Variants in MRPS15 observed in about 807,000 individuals in gnomAD.
MRPS15 encodes mitochondrial ribosomal protein S15.
In MRPS15, 25 loss-of-function variants were observed where a neutral mutation model predicts 30.7. That is an observed-to-expected ratio of 0.81 (90% confidence interval 0.59 to 1.14). The LOEUF is 1.14. MRPS15 is among the 50% of genes most tolerant of loss of function. MRPS15 has a pLI of 0.00. For synonymous variants in MRPS15, 124 were observed against 120.1 expected, an observed-to-expected ratio of 1.03 and a Z score of -0.21; for missense variants, 313 against 321.7, an observed-to-expected ratio of 0.97 and a Z score of 0.21.
intron 5 of MRPS15, among the ~76,000 whole-genome samples, chr1:36,460,049 T>C (rs1650064107): frequency 6.6e-6 from 1 of 152,196 alleles, no homozygotes; most frequent in Non-Finnish European, 1.5e-5. Context: ...CTCGCTCTGT[T>C]GCCCAGGCGA....
intron 4 of MRPS15, among the ~76,000 whole-genome samples, 167 bp from the exon 5 acceptor site, chr1:36,460,943 C>T (rs762649540): frequency 6.6e-6 from 1 of 152,220 alleles, no homozygotes; most frequent in African/African-American, 2.4e-5. Context: ...TGGCTATCCA[C>T]ATCCAGGTGA....
intron 5 of MRPS15, chr1:36,459,422 G>GAATC (rs1157292407): frequency 8.3e-6 from 1 of 120,230 alleles, no homozygotes; most frequent in Non-Finnish European, 1.7e-5. Context: ...AAAAAAAAAA[G>GAATC]AATCAAAACT....
At chr1:36,456,075 A>G in intron 7 of MRPS15, 112 bp downstream of exon 7, 1 of 1,483,460 alleles carries the variant, frequency 6.7e-7, no homozygotes, top group Non-Finnish European at 9.0e-7. Flanking sequence ...GATCCATTCC[A>G]GGGCCTGGGG....
At chr1:36,461,186 G>A (rs1650090621) in intron 4 of MRPS15, 78 bp downstream of exon 4, 1 of 1,323,434 alleles carries the variant, frequency 7.6e-7, no homozygotes, top group African/African-American at 1.4e-5. Flanking sequence ...AGCATGAGAT[G>A]CGGGGTGCTA....
In MRPS15 at chr1:36,464,336, C is replaced by G. The variant is rs1650170979; in HGVS notation, c.-61G>C. On this transcript the variant is annotated 5_prime_UTR_variant, in exon 1 of 8. Transcript: ENST00000373116. Reference sequence around the variant, plus strand: ...CCGCCGTTCGCTTTGCGGCACGGACCGGGTTACATGGGCGCCGCCATGCTG... The same window carrying G: ...CCGCCGTTCGCTTTGCGGCACGGACGGGGTTACATGGGCGCCGCCATGCTG... 2.5e-6 allele frequency: 4 copies of G among 1,575,576 alleles called. No individual in the cohort carries two copies. Among genetic ancestry groups the G allele is most frequent in the Non-Finnish European group, 3.4e-6 (4 of 1,160,316 alleles).
chr1:36,464,079 T>G, intron 1 of MRPS15, 67 bp downstream of exon 1: 1 of 1,588,796 alleles, frequency 6.3e-7, no homozygotes, highest in Non-Finnish European at 8.6e-7. Flanking sequence ...CTCCTGTGCT[T>G]CCTTATTCCC....
chr1:36,463,976 T>C, intron 1 of MRPS15, 126 bp from the exon 2 acceptor site: 2 of 1,502,386 alleles, frequency 1.3e-6, no homozygotes, highest in Non-Finnish European at 1.8e-6. Flanking sequence ...GCTGCCCCAT[T>C]TCTTCCCTAC....
Position 36,456,377 on chromosome 1 carries a change from T to C in MRPS15, c.446A>G (p.Asp149Gly). The change falls in exon 7 of 8, where the codon GAC becomes GGC. Residue 149 changes from aspartate to glycine, a missense_variant and splice_region_variant. Coordinates refer to ENST00000373116, the MANE Select transcript of MRPS15 (RefSeq NM_031280.4). ...TAGCAGATAGCGTTTGTGGGCTTTG[T>C]CCTGCAAGAGATTCTCATTACTTTT... The part of the protein sequence containing the change: ...YEEHLEKHRK[D>G]KAHKRYLLMS... The C allele has an allele frequency of 6.3e-7, 1 of 1,596,584 alleles. No homozygotes were observed. Among genetic ancestry groups the C allele is most frequent in the Non-Finnish European group, 8.6e-7 (1 of 1,168,552 alleles).
intron 2 of MRPS15, 101 bp downstream of exon 2, chr1:36,463,705 C>T: frequency 1.4e-6 from 2 of 1,396,520 alleles, no homozygotes; most frequent in Non-Finnish European, 1.9e-6. Context: ...CTCTGGCTCA[C>T]CTCATCTAGT....
chr1:36,463,661 G>A, intron 2 of MRPS15, 145 bp downstream of exon 2: 2 of 919,370 alleles, frequency 2.2e-6, no homozygotes, highest in South Asian at 1.8e-5. Context: ...CTAGGGCTTT[G>A]TGTAAGGTGG....
intron 5 of MRPS15, chr1:36,459,346 T>C (rs1650052516): frequency 7.2e-6 from 1 of 139,314 alleles, no homozygotes; most frequent in African/African-American, 2.8e-5. Context: ...TGAGCCATGA[T>C]CACACCTGCC....
In MRPS15 at chr1:36,456,245, G is replaced by T; in HGVS notation, c.578C>A (p.Pro193His). The change falls in exon 7 of 8, where the codon CCT (proline) becomes CAT (histidine). Residue 193 changes from proline to histidine, a missense_variant. Transcript: ENST00000373116. ...GCGGTGGGCTCTTCGGTAATACAGA[G>T]GGGGGAAGGTGTACTCAATTCCCAG... The part of the protein sequence containing the change: ...WGLGIEYTFP[P>H]LYYRRAHRRF... 4 of 1,612,126 alleles carry T rather than the reference G, an allele frequency of 2.5e-6. No individual in the cohort carries two copies. The highest frequency in any genetic ancestry group is 3.4e-6 in the Non-Finnish European group (4 of 1,178,270).
At chr1:36,460,915 T>A (rs1650084872) in intron 4 of MRPS15, 139 bp from the exon 5 acceptor site, 3 of 707,762 alleles carry the variant, frequency 4.2e-6, no homozygotes, top group Non-Finnish European at 4.8e-6. Flanking sequence ...CTGCTCACTG[T>A]GGCCTTGACC....
At position 36,458,898 on chromosome 1, in the gene MRPS15, C is replaced by T. The variant is rs1650044336; in HGVS notation, c.386-917G>A. Reference sequence around the variant, plus strand: ...GGCTGTCACGACAGCAGGCCCTTCCCAGTACATACTGAGTTCTGGGAGCAC... The same window carrying T: ...GGCTGTCACGACAGCAGGCCCTTCCTAGTACATACTGAGTTCTGGGAGCAC... On this transcript the variant is annotated intron_variant, in intron 5 of 7. Coordinates refer to ENST00000373116, the MANE Select transcript of MRPS15 (RefSeq NM_031280.4). This position sits in a 1 kb window ranked among gnomAD's most constrained non-coding sequence, Gnocchi z 4.5. The T allele has an allele frequency of 6.6e-6, 1 of 152,238 alleles. No homozygotes were observed. The highest frequency in any genetic ancestry group is 1.5e-5 in the Non-Finnish European group (1 of 68,062). 9.4% of individuals were successfully genotyped at this position (152,238 alleles called of 1,614,324 possible). A position where few individuals can be genotyped will look rare whatever the true frequency, so the allele number is the denominator to read the frequency against.
At chr1:36,463,302 T>C (rs10796885) in intron 2 of MRPS15, among the ~76,000 whole-genome samples, 45,618 of 152,200 alleles carry the variant, frequency 0.3, 7,084 homozygotes, top group Admixed American at 0.39. Context: ...TATCAATATA[T>C]TTAATTGAGC....
intron 4 of MRPS15, 73 bp from the exon 5 acceptor site, chr1:36,460,849 G>T: frequency 8.0e-7 from 1 of 1,254,540 alleles, no homozygotes; most frequent in Non-Finnish European, 1.2e-6. Context: ...TCCCCCCAAG[G>T]GCCCTGGCTA....
rs868523964 is a variant in MRPS15 at position 36,460,061 on chromosome 1, A to T, written c.385+631T>A. Among the ~76,000 whole-genome samples, 15 of 152,288 alleles carry T rather than the reference A, an allele frequency of 9.8e-5. No individual in the cohort carries two copies. In the South Asian group the frequency reaches 2.3e-3, roughly 23 times the overall value. Reference sequence around the variant, plus strand: ...AGTCTCGCTCTGTTGCCCAGGCGAGAGTGCAGTGGCGCGATCTCGGCTCAC... The same window carrying T: ...AGTCTCGCTCTGTTGCCCAGGCGAGTGTGCAGTGGCGCGATCTCGGCTCAC... On this transcript the variant is annotated intron_variant, in intron 5 of 7. Coordinates refer to ENST00000373116, the MANE Select transcript of MRPS15 (RefSeq NM_031280.4).
intron 6 of MRPS15, among the ~76,000 whole-genome samples, chr1:36,457,294 T>A (rs866734740): frequency 1.3e-4 from 19 of 148,390 alleles, no homozygotes; most frequent in Middle Eastern, 3.5e-3. Flanking sequence ...AAAAAAAATA[T>A]ATATATATAT....
chr1:36,463,686 G>T, intron 2 of MRPS15, 120 bp downstream of exon 2: 1 of 1,199,672 alleles, frequency 8.3e-7, no homozygotes, highest in Non-Finnish European at 1.2e-6. Flanking sequence ...GGGGTCTTTT[G>T]CTCAGGACCT....
Sources: allele counts gnomAD v4.1 joint callset (sites outside exome capture counted in the v4.1 genomes callset), GRCh38; gene constraint gnomAD v4.1.1; non-coding constraint Gnocchi (gnomAD v3.1); transcripts MANE v1.5; gene names NCBI Gene and HGNC (gene_info 2026-07-23, HGNC 2026-07-21).